The following AIG1 variants were observed in gnomAD, a reference collection of about 807,000 sequenced individuals.
The protein encoded by AIG1 is androgen induced 1, also known as androgen-induced gene 1 protein.
A neutral mutation model predicts 31.4 loss-of-function variants in AIG1; 23 were observed. That is an observed-to-expected ratio of 0.73 (90% CI 0.53 to 1.04). AIG1 has a LOEUF of 1.04. AIG1 is among the 50% of genes least tolerant of loss of function. The pLI is 0.00. For synonymous variants in AIG1, 100 were observed against 110.5 expected (o/e 0.90, Z 0.60); for missense variants, 274 against 295.0 (o/e 0.93, Z 0.52).
chr6:143,166,968 A>G (rs2128567582), intron 3 of AIG1, among the ~76,000 whole-genome samples: 1 of 152,346 alleles, frequency 6.6e-6, no homozygotes, highest in South Asian at 2.1e-4. Flanking sequence ...TCTTGATAAA[A>G]ACAGTTACAT....
chr6:143,188,133 A>C, intron 3 of AIG1: 1 of 1,006,548 alleles, frequency 9.9e-7, no homozygotes, highest in African/African-American at 1.7e-5. Context: ...GCCGCAAATG[A>C]GGATGAAGTT....
In AIG1 at chr6:143,323,585, A is replaced by C. The variant is rs545453517; in HGVS notation, c.516-9697A>C. ...TCCTTCTATTTGAAATTGATGCATT[A>C]ATTTTTTGGCTTTACCATACACTTT... On this transcript the variant is annotated intron_variant, in intron 4 of 5. Transcript: ENST00000357847. Among the ~76,000 whole-genome samples, 12 of 152,242 alleles carry C rather than the reference A, an allele frequency of 7.9e-5. No homozygotes were observed. In the East Asian group the frequency reaches 1.9e-3, roughly 24 times the overall value.
intron 3 of AIG1, among the ~76,000 whole-genome samples, chr6:143,247,191 G>A (rs1204983360): frequency 6.6e-6 from 1 of 152,170 alleles, no homozygotes; most frequent in Admixed American, 6.5e-5. Context: ...GAGTGCAATG[G>A]CACAATCTTG....
intron 3 of AIG1, among the ~76,000 whole-genome samples, chr6:143,217,081 T>G (rs377008218): frequency 2.8e-4 from 43 of 152,384 alleles, no homozygotes; most frequent in African/African-American, 9.6e-4. Context: ...TTTATACTTT[T>G]CATTAATTTT....
chr6:143,342,472 G>A (rs1777877287), downstream of AIG1: 1 of 783,860 alleles, frequency 1.3e-6, no homozygotes, highest in South Asian at 1.3e-5. Flanking sequence ...GCATACAAGA[G>A]AAGTGCTTTG....
Position 143,307,024 on chromosome 6 carries a change from G to A in AIG1, c.515+22799G>A, listed in dbSNP as rs1014222181. On this transcript the variant is annotated intron_variant, in intron 4 of 5. Transcript: ENST00000357847. Reference sequence around the variant, plus strand: ...CTGAGGCTTCTGCATTCTTCACGTAGTTCTCGAGCCTTGGCTTTCAGCTCC... The same window carrying A: ...CTGAGGCTTCTGCATTCTTCACGTAATTCTCGAGCCTTGGCTTTCAGCTCC... Among the ~76,000 whole-genome samples, 204 of 152,188 alleles carry A rather than the reference G, an allele frequency of 1.3e-3. 1 individual carries two copies. The highest frequency in any genetic ancestry group is 2.1e-3 in the Non-Finnish European group (145 of 68,020).
Position 143,340,583 on chromosome 6 carries a change from C to T in AIG1, c.*907C>T, listed in dbSNP as rs1777817655. 6.6e-6 allele frequency among the ~76,000 whole-genome samples: 1 copy of T among 152,080 alleles called. No homozygotes were observed. The highest frequency in any genetic ancestry group is 6.5e-5 in the Admixed American group (1 of 15,274). On this transcript the variant is annotated 3_prime_UTR_variant, in exon 6 of 6. Transcript: ENST00000357847. ...TCATGCCATTCTCCTGCCTTCTCAG[C>T]CTCCCGAGTAGCTGGGACTACAGGC...
chr6:143,311,614 G>C (rs1333576455), intron 4 of AIG1, among the ~76,000 whole-genome samples: 11 of 151,720 alleles, frequency 7.3e-5, no homozygotes, highest in Admixed American at 7.2e-4. Flanking sequence ...ACATCCACTT[G>C]TGATTTAAAG....
intron 1 of AIG1, among the ~76,000 whole-genome samples, chr6:143,085,160 G>A (rs2128471575): frequency 6.6e-6 from 1 of 152,242 alleles, no homozygotes; most frequent in Middle Eastern, 3.4e-3. Flanking sequence ...GTCTGAGAGG[G>A]AAAAAGGTAC....
rs150625843 is a variant in AIG1, at chr6:143,273,932, A to C, written c.400-10178A>C. Among the ~76,000 whole-genome samples, 964 of 152,264 alleles carry C rather than the reference A, an allele frequency of 6.3e-3. 3 individuals are homozygous for C. The highest frequency in any genetic ancestry group is 0.011 in the Non-Finnish European group (760 of 68,024). ...CTATTAAGGAGAGTGGGCCACCAAA[A>C]ACACAAGAAAGGTAGCACAAATCTC... On this transcript the variant is annotated intron_variant, in intron 3 of 5. Transcript: ENST00000357847.
At chr6:143,190,251 A>G (rs1789667346) in intron 3 of AIG1, 1 of 985,498 alleles carries the variant, frequency 1.0e-6, no homozygotes, top group African/African-American at 1.7e-5. Context: ...ATGACTTCTG[A>G]TATTTAATAT....
chr6:143,240,745 A>C (rs1363815570), intron 3 of AIG1, among the ~76,000 whole-genome samples: 1 of 152,234 alleles, frequency 6.6e-6, no homozygotes, highest in Non-Finnish European at 1.5e-5. Flanking sequence ...TTTTTAAAAA[A>C]CCAGACAATA....
At position 143,334,099 on chromosome 6, in the gene AIG1, C is replaced by A. The variant is rs761947435; in HGVS notation, c.679+654C>A. 1.3e-6 allele frequency: 2 copies of A among 1,550,216 alleles called. No individual in the cohort carries two copies. Among genetic ancestry groups the A allele is most frequent in the African/African-American group, 1.4e-5 (1 of 73,132 alleles). On this transcript the variant is annotated intron_variant, in intron 5 of 5. Transcript: ENST00000357847. The surrounding 1 kb of genome is among the most constrained non-coding windows in gnomAD (Gnocchi z 5.1). ...GCAGAGCCTCCATCTTGGCAAGGCA[C>A]GTAATCTTATCCAAGCTGTGCAAAA...
chr6:143,176,230 A>T (rs1028544176), intron 3 of AIG1, among the ~76,000 whole-genome samples: 1 of 152,148 alleles, frequency 6.6e-6, no homozygotes, highest in Non-Finnish European at 1.5e-5. Flanking sequence ...AGTGGACTCC[A>T]TGAGGGTTCT....
At chr6:143,243,358 C>T (rs931393387) in intron 3 of AIG1, among the ~76,000 whole-genome samples, 10 of 152,098 alleles carry the variant, frequency 6.6e-5, no homozygotes, top group African/African-American at 2.4e-4. Flanking sequence ...TCTTTCTATG[C>T]CAAATGAGAT....
chr6:143,083,231 C>T (rs975518368), intron 1 of AIG1, among the ~76,000 whole-genome samples: 1 of 152,192 alleles, frequency 6.6e-6, no homozygotes, highest in Non-Finnish European at 1.5e-5. Flanking sequence ...GGCTTGATGG[C>T]ACAAGGTTTC....
chr6:143,281,799 T>G (rs1200637857), intron 3 of AIG1, among the ~76,000 whole-genome samples: 2 of 152,224 alleles, frequency 1.3e-5, no homozygotes, highest in Non-Finnish European at 2.9e-5. Flanking sequence ...TAAGCTGTTA[T>G]GACATAGAAA....
intron 1 of AIG1, among the ~76,000 whole-genome samples, chr6:143,077,907 G>A (rs1371481285): frequency 6.6e-6 from 1 of 152,076 alleles, no homozygotes; most frequent in Non-Finnish European, 1.5e-5. Flanking sequence ...ATTCTTATAT[G>A]TCTCTATCTA....
intron 3 of AIG1, among the ~76,000 whole-genome samples, chr6:143,174,357 G>A (rs1787929338): frequency 6.6e-6 from 1 of 151,868 alleles, no homozygotes; most frequent in South Asian, 2.1e-4. Flanking sequence ...CGTGGTGGCA[G>A]GCACCTGTAA....
Sources: gnomAD v4.1 joint callset for allele counts (sites outside exome capture counted in the v4.1 genomes callset) on GRCh38, gnomAD v4.1.1 for gene constraint, Gnocchi (gnomAD v3.1) non-coding constraint, MANE v1.5 for transcripts, NCBI Gene and HGNC (gene_info 2026-07-23, HGNC 2026-07-21) for gene names.